The following TENM2 variants were observed in gnomAD, a reference collection of about 807,000 sequenced individuals.
The protein encoded by TENM2 is teneurin-2.
In TENM2, 52 loss-of-function variants were observed where a neutral mutation model predicts 245.2. The observed-to-expected ratio is 0.21, with a 90% CI of 0.17 to 0.27. The LOEUF is 0.27. Ranked by LOEUF, TENM2 falls within the 10% of genes least tolerant of loss-of-function variation. The probability of loss-of-function intolerance (pLI) is 1.00; values close to 1 mark genes in which losing one functional copy is unlikely to be tolerated. For synonymous variants in TENM2, 1,363 were observed against 1,438.9 expected (o/e 0.95, Z 1.19); for missense variants, 3,046 against 3,666.8 (o/e 0.83, Z 4.37).
chr5:167,628,397 T>C (rs1778652853), intron 2 of TENM2, among the ~76,000 whole-genome samples: 1 of 152,186 alleles, frequency 6.6e-6, no homozygotes, highest in Non-Finnish European at 1.5e-5. Context: ...TGTTGTCTAG[T>C]TTTCCTCACA....
intron 2 of TENM2, among the ~76,000 whole-genome samples, chr5:167,749,653 C>G (rs1761829868): frequency 6.7e-6 from 1 of 148,954 alleles, no homozygotes; most frequent in Admixed American, 6.8e-5. Flanking sequence ...AAAAAAAAAT[C>G]AATGGGAAGA....
chr5:167,454,002 C>T (rs1019324605), intron 2 of TENM2, among the ~76,000 whole-genome samples: 2 of 152,106 alleles, frequency 1.3e-5, no homozygotes, highest in Non-Finnish European at 1.5e-5. Flanking sequence ...TTCAAGAATA[C>T]GCATGTCCCC....
intron 3 of TENM2, among the ~76,000 whole-genome samples, chr5:167,928,038 G>C (rs933611549): frequency 1.3e-5 from 2 of 152,186 alleles, no homozygotes; most frequent in African/African-American, 4.8e-5. Flanking sequence ...GAGGTGGGTT[G>C]ATACAGTTTA....
At chr5:167,074,772 A>T in the TENM2 span, among the ~76,000 whole-genome samples, 1 of 152,102 alleles carries the variant, frequency 6.6e-6, no homozygotes, top group Non-Finnish European at 1.5e-5. Context: ...TTAGGGTGGT[A>T]GCGGTTCTGT....
At chr5:167,367,458 C>T (rs73367492) in intron 1 of TENM2, among the ~76,000 whole-genome samples, 4,004 of 152,122 alleles carry the variant, frequency 0.026, 179 homozygotes, top group African/African-American at 0.091. Flanking sequence ...TTTGGGTGAA[C>T]AGTTTTATCA....
intron 2 of TENM2, among the ~76,000 whole-genome samples, chr5:167,570,659 G>C (rs746596361): frequency 2.0e-5 from 3 of 152,070 alleles, no homozygotes; most frequent in African/African-American, 7.2e-5. Flanking sequence ...CCCTGGAATG[G>C]GTGTTGCATT....
intron 3 of TENM2, among the ~76,000 whole-genome samples, chr5:167,943,481 T>G (rs1779355878): frequency 6.6e-6 from 1 of 152,140 alleles, no homozygotes; most frequent in African/African-American, 2.4e-5. Flanking sequence ...GGAAAAGAAT[T>G]CCACTGTGAG....
chr5:167,375,353 G>T, exon 2 of TENM2: 2 of 1,551,626 alleles, frequency 1.3e-6, no homozygotes, highest in Admixed American at 2.0e-5. Context: ...TCCAGAACAC[G>T]CCATCAGACT....
At chr5:167,539,293 G>A (rs903615255) in intron 2 of TENM2, among the ~76,000 whole-genome samples, 9 of 152,098 alleles carry the variant, frequency 5.9e-5, no homozygotes, top group Non-Finnish European at 1.2e-4. Flanking sequence ...TATTATAACT[G>A]TGTGAATTTG....
intron 3 of TENM2, among the ~76,000 whole-genome samples, chr5:167,901,305 G>GA (rs1393948917): frequency 2.6e-5 from 4 of 152,040 alleles, no homozygotes; most frequent in Non-Finnish European, 4.4e-5. Flanking sequence ...ATGTAAGGAT[G>GA]AAAAAAATCA....
At chr5:168,263,909 C>T (rs927412970), downstream of TENM2, 1 of 149,294 alleles carries the variant, frequency 6.7e-6, no homozygotes, top group African/African-American at 2.5e-5. Context: ...ACAGTCACCA[C>T]GAGGAGAGAA....
intron 2 of TENM2, among the ~76,000 whole-genome samples, chr5:167,614,781 A>G (rs1582549121): frequency 6.6e-6 from 1 of 152,080 alleles, no homozygotes; most frequent in Non-Finnish European, 1.5e-5. Flanking sequence ...GAATCAAGGC[A>G]AGTCACTTCC....
chr5:168,038,406 G>T (rs1244361468), intron 5 of TENM2, among the ~76,000 whole-genome samples: 38 of 152,116 alleles, frequency 2.5e-4, no homozygotes, highest in Admixed American at 2.5e-3. Flanking sequence ...GCAAGAAAAT[G>T]TGGCTAAGAG....
At chr5:168,073,841 A>G (rs1481523609) in intron 7 of TENM2, among the ~76,000 whole-genome samples, 2 of 152,230 alleles carry the variant, frequency 1.3e-5, no homozygotes, top group Non-Finnish European at 2.9e-5. Context: ...ACAGATGCAC[A>G]TTCTGCCAGA....
chr5:167,910,532 C>T (rs1776464082), intron 3 of TENM2, among the ~76,000 whole-genome samples: 1 of 152,096 alleles, frequency 6.6e-6, no homozygotes, highest in African/African-American at 2.4e-5. Flanking sequence ...AAAAAGAAAC[C>T]TTCTAGCATC....
intron 2 of TENM2, among the ~76,000 whole-genome samples, chr5:167,788,788 T>A (rs1764750238): frequency 6.6e-6 from 1 of 152,302 alleles, no homozygotes; most frequent in African/African-American, 2.4e-5. Context: ...ATCAGCTTCC[T>A]CTCCATTCAG....
At chr5:167,801,557 C>T (rs1475863424) in intron 2 of TENM2, among the ~76,000 whole-genome samples, 1 of 151,840 alleles carries the variant, frequency 6.6e-6, no homozygotes, top group African/African-American at 2.4e-5. Context: ...AAACAAAGTC[C>T]CATGTTGGAG....
chr5:167,072,038 A>G, the TENM2 span, among the ~76,000 whole-genome samples: 1 of 152,044 alleles, frequency 6.6e-6, no homozygotes, highest in Middle Eastern at 3.4e-3. Context: ...TTGACCTTGT[A>G]AGGAGGGTGT....
chr5:167,372,288 A>G (rs1303650855), intron 1 of TENM2, among the ~76,000 whole-genome samples: 1 of 152,158 alleles, frequency 6.6e-6, no homozygotes, highest in African/African-American at 2.4e-5. Context: ...ATTTGTGGTT[A>G]CTTTTTAAAT....
Sources: gnomAD v4.1 joint callset for allele counts (sites outside exome capture counted in the v4.1 genomes callset) on GRCh38, gnomAD v4.1.1 for gene constraint, MANE v1.5 for transcripts, NCBI Gene and HGNC (gene_info 2026-07-23, HGNC 2026-07-21) for gene names.